ADAMTS2: variants seen among roughly 807,000 people sequenced by gnomAD.
ADAMTS2 encodes the protein ADAM metallopeptidase with thrombospondin type 1 motif 2, also known as A disintegrin and metalloproteinase with thrombospondin motifs 2.
A neutral mutation model predicts 123.0 loss-of-function variants in ADAMTS2; 50 were observed. The ratio of observed to expected loss-of-function variants is 0.41; its 90% CI spans 0.32 to 0.51. ADAMTS2 has a LOEUF of 0.51. Among genes scored for constraint, ADAMTS2 ranks in the 20% least tolerant of loss-of-function variants. The pLI, the probability that ADAMTS2 is intolerant of heterozygous loss-of-function variation, is 0.35. For missense variants in ADAMTS2, 1,494 were observed against 1,705.2 expected (o/e 0.88, Z 2.18); for synonymous variants, 678 against 695.4 (o/e 0.98, Z 0.39).
In ADAMTS2 at chr5:179,234,978, T is replaced by C. The variant is rs1175637225; in HGVS notation, c.689-27263A>G. Among the ~76,000 whole-genome samples, 2 of 152,242 alleles carry C rather than the reference T, an allele frequency of 1.3e-5. No individual in the cohort carries two copies. The highest frequency in any genetic ancestry group is 2.9e-5 in the Non-Finnish European group (2 of 68,044). ...GCCAACCCTCCCAGGGACCTGCTCA[T>C]GTTCCCGCAACGCCCTTACAGCCAT... On this transcript the variant is annotated intron_variant, in intron 3 of 21. Transcript: ENST00000251582. This position sits in a 1 kb window ranked among gnomAD's most constrained non-coding sequence, Gnocchi z 4.7.
intron 4 of ADAMTS2, among the ~76,000 whole-genome samples, chr5:179,205,757 G>GTTATTATTATTATCA (rs1764669786): frequency 1.7e-5 from 2 of 115,938 alleles, no homozygotes; most frequent in Non-Finnish European, 3.8e-5. Flanking sequence ...TGGTTTTATT[G>GTTATTATTATTATCA]TTATTATTAT....
intron 2 of ADAMTS2, among the ~76,000 whole-genome samples, chr5:179,334,674 A>C (rs1489784727): frequency 6.6e-6 from 1 of 152,218 alleles, no homozygotes; most frequent in Non-Finnish European, 1.5e-5. Context: ...GTGTTTACAG[A>C]GTGCAACTGT....
At position 179,126,052 on chromosome 5, in the gene ADAMTS2, G is replaced by A. The variant is rs751948505; in HGVS notation, c.2696C>T (p.Ser899Leu). ...MVHRGFCAAL[S>L]KPKAIRRACN... ...CGCTCTGCGGATGGCTTTGGGCTTCGAGAGGGCGGCACAGAAGCCACGGTG... is the reference window on the plus strand; with the variant it reads ...CGCTCTGCGGATGGCTTTGGGCTTCAAGAGGGCGGCACAGAAGCCACGGTG... The change falls in exon 18 of 22, where the codon TCG becomes TTG. Residue 899 changes from serine to leucine, a missense_variant. Transcript: ENST00000251582. The A allele has an allele frequency of 8.1e-6, 13 of 1,613,386 alleles. No homozygotes were observed. Among genetic ancestry groups the A allele is most frequent in the Middle Eastern group, 1.6e-4 (1 of 6,062 alleles).
chr5:179,132,170 C>G lies in ADAMTS2; in HGVS notation c.2290+60G>C. Reference sequence around the variant, plus strand: ...TGACCCCTGACCCCTGGCACTCTGCCCATTGATCCCAGAGGAGCCAGGTCC... The same window carrying G: ...TGACCCCTGACCCCTGGCACTCTGCGCATTGATCCCAGAGGAGCCAGGTCC... On this transcript the variant is annotated intron_variant, in intron 15 of 21. Coordinates refer to ENST00000251582, the MANE Select transcript of ADAMTS2 (RefSeq NM_014244.5). The surrounding 1 kb of genome is among the most constrained non-coding windows in gnomAD (Gnocchi z 6.1). The G allele has an allele frequency of 6.5e-7, 1 of 1,535,040 alleles. No individual in the cohort carries two copies. The highest frequency in any genetic ancestry group is 1.1e-5 in the South Asian group (1 of 88,474).
At chr5:179,325,708 G>A (rs1241340467) in intron 2 of ADAMTS2, among the ~76,000 whole-genome samples, 1 of 152,264 alleles carries the variant, frequency 6.6e-6, no homozygotes, top group Non-Finnish European at 1.5e-5. Context: ...GCCCAGGCAG[G>A]ACCCACGGGG....
intron 2 of ADAMTS2, among the ~76,000 whole-genome samples, chr5:179,326,205 T>TGTGTGTGC (rs1757316365): frequency 7.4e-6 from 1 of 135,164 alleles, no homozygotes; most frequent in Non-Finnish European, 1.6e-5. Context: ...TGTGTGCGTG[T>TGTGTGTGC]GTGTGTGTGT....
At chr5:179,135,593 C>T (rs879822355) in intron 13 of ADAMTS2, among the ~76,000 whole-genome samples, 1 of 152,066 alleles carries the variant, frequency 6.6e-6, no homozygotes, top group Admixed American at 6.6e-5. Context: ...AGGTCACGTG[C>T]ATTGGAAATC....
chr5:179,320,562 T>C (rs191030201), intron 2 of ADAMTS2, among the ~76,000 whole-genome samples: 1 of 151,574 alleles, frequency 6.6e-6, no homozygotes, highest in Admixed American at 6.6e-5. Context: ...TTGTGATCCG[T>C]CCACCTCAGC....
chr5:179,237,573 C>A (rs563513277), intron 3 of ADAMTS2, among the ~76,000 whole-genome samples: 116 of 152,286 alleles, frequency 7.6e-4, no homozygotes, highest in African/African-American at 2.7e-3. Flanking sequence ...TGGATCCAGT[C>A]GCGTCAGTTA....
intron 3 of ADAMTS2, among the ~76,000 whole-genome samples, chr5:179,267,308 G>A (rs573614980): frequency 2.6e-5 from 4 of 152,366 alleles, no homozygotes; most frequent in South Asian, 2.1e-4. Flanking sequence ...CAGTGCCGGC[G>A]CTTGTCCTCT....
At chr5:179,208,286 G>A (rs1454837898) in intron 3 of ADAMTS2, among the ~76,000 whole-genome samples, 1 of 152,316 alleles carries the variant, frequency 6.6e-6, no homozygotes, top group African/African-American at 2.4e-5. Context: ...CCTGGGCTGT[G>A]CATGTTCCCC....
intron 2 of ADAMTS2, among the ~76,000 whole-genome samples, chr5:179,286,182 C>T (rs1445017580): frequency 1.4e-5 from 2 of 146,636 alleles, no homozygotes; most frequent in African/African-American, 5.1e-5. Flanking sequence ...CCGCTGCACT[C>T]CAGCTTGGGC....
intron 5 of ADAMTS2, among the ~76,000 whole-genome samples, chr5:179,171,734 G>A (rs576125718): frequency 6.7e-4 from 102 of 152,316 alleles, no homozygotes; most frequent in African/African-American, 2.4e-3. Flanking sequence ...TATGGGGTGA[G>A]CTTTGCTGAG....
chr5:179,307,315 G>A lies in ADAMTS2; in HGVS notation c.535-34251C>T, dbSNP rs2113569282. Among the ~76,000 whole-genome samples the A allele has an allele frequency of 6.6e-6, 1 of 152,246 alleles. No homozygotes were observed. The highest frequency in any genetic ancestry group is 1.5e-5 in the Non-Finnish European group (1 of 68,014). ...CCTGGGGCCCACAGGAGGTCCACCGGCCCTCTCAGGGCTCGAGCACCCGGC... is the reference window on the plus strand; with the variant it reads ...CCTGGGGCCCACAGGAGGTCCACCGACCCTCTCAGGGCTCGAGCACCCGGC... On this transcript the variant is annotated intron_variant, in intron 2 of 21. Coordinates refer to ENST00000251582, the MANE Select transcript of ADAMTS2 (RefSeq NM_014244.5). The surrounding 1 kb of genome is among the most constrained non-coding windows in gnomAD (Gnocchi z 5.6).
At chr5:179,279,142 C>A (rs1309884379) in intron 2 of ADAMTS2, among the ~76,000 whole-genome samples, 2 of 151,988 alleles carry the variant, frequency 1.3e-5, no homozygotes, top group Non-Finnish European at 2.9e-5. Flanking sequence ...ATGACTGGGA[C>A]CTGGTCTGTC....
At chr5:179,214,258 C>T (rs1317091291) in intron 3 of ADAMTS2, among the ~76,000 whole-genome samples, 3 of 118,674 alleles carry the variant, frequency 2.5e-5, no homozygotes, top group Admixed American at 8.7e-5. Flanking sequence ...TACTGAGACA[C>T]ATTAGGACAC....
intron 2 of ADAMTS2, among the ~76,000 whole-genome samples, chr5:179,324,227 C>G (rs1333298124): frequency 6.6e-6 from 1 of 152,050 alleles, no homozygotes; most frequent in Non-Finnish European, 1.5e-5. Context: ...GATGGTTGCA[C>G]CATTCTGTGA....
chr5:179,218,653 C>T (rs1012488973), intron 3 of ADAMTS2, among the ~76,000 whole-genome samples: 2 of 152,198 alleles, frequency 1.3e-5, no homozygotes, highest in Admixed American at 1.3e-4. Context: ...TGGGGAGGGG[C>T]TCCTGGGGCC....
At chr5:179,270,895 A>T (rs1252377671) in intron 3 of ADAMTS2, among the ~76,000 whole-genome samples, 1 of 152,158 alleles carries the variant, frequency 6.6e-6, no homozygotes, top group Non-Finnish European at 1.5e-5. Context: ...AAGTTCTGGG[A>T]TCCAGACCTA....
Sources: allele counts gnomAD v4.1 joint callset (sites outside exome capture counted in the v4.1 genomes callset), GRCh38; gene constraint gnomAD v4.1.1; non-coding constraint Gnocchi (gnomAD v3.1); transcripts MANE v1.5; gene names NCBI Gene and HGNC (gene_info 2026-07-23, HGNC 2026-07-21).